Variants in SKOR2 observed in about 807,000 individuals in gnomAD.
The protein encoded by SKOR2 is SKI family transcriptional corepressor 2.
Under a neutral mutation model 69.1 loss-of-function variants are expected in SKOR2, and 47 were observed. The ratio of observed to expected loss-of-function variants is 0.68; its 90% CI spans 0.54 to 0.87. SKOR2 has a LOEUF of 0.87. SKOR2 is among the 40% of genes least tolerant of loss of function. The pLI is 0.00. For synonymous variants in SKOR2, 717 were observed against 672.6 expected, an observed-to-expected ratio of 1.07 and a Z score of -1.02; for missense variants, 1,404 against 1,472.2, an observed-to-expected ratio of 0.95 and a Z score of 0.76.
At chr18:47,236,739 A>C (rs1430701065) in intron 4 of SKOR2, among the ~76,000 whole-genome samples, 1 of 152,206 alleles carries the variant, frequency 6.6e-6, no homozygotes, top group East Asian at 1.9e-4. Context: ...CAGAACTGAG[A>C]AAAACAGATA....
chr18:47,225,802 A>G (rs944276001), intron 6 of SKOR2, among the ~76,000 whole-genome samples: 1 of 152,046 alleles, frequency 6.6e-6, no homozygotes, highest in South Asian at 2.1e-4. Flanking sequence ...GAGAGGGGTG[A>G]GAGTGGTCTG....
rs1346199438 is a variant in SKOR2 at position 47,247,346 on chromosome 18, G to A, written c.1838C>T (p.Ala613Val). 2.0e-6 allele frequency: 3 copies of A among 1,471,510 alleles called. No individual in the cohort carries two copies. The highest frequency in any genetic ancestry group is 1.3e-5 in the South Asian group (1 of 78,098). The allele number at this position is 1,471,510 out of a possible 1,614,324, so 91.2% of individuals were successfully genotyped here. Residue 613 changes from alanine to valine, a missense_variant, in exon 2 of 9, where the codon GCG (alanine) becomes GTG (valine). Physicochemically the swap from Ala to Val is moderately conservative, Grantham distance 64 (BLOSUM62 0). Around this residue, in one of 3 missense-constraint regions of SKOR2, gnomAD observed 1,266 missense variants for 1,309.9 expected, o/e 0.97. Coordinates refer to ENST00000425639, the MANE Select transcript of SKOR2 (RefSeq NM_001278063.4). This position sits in a 1 kb window ranked among gnomAD's most constrained non-coding sequence, Gnocchi z 6.6. ...GGAATGGTGGTAGCTGCCACCGCCC[G>A]CTTTGCGCCCCTCCAGAAGGTGCGG... is the stretch of plus-strand genomic sequence containing the variant. ...HHPHLLEGRK[A>V]GGGSYHHSSA...
intron 6 of SKOR2, among the ~76,000 whole-genome samples, chr18:47,222,607 T>C (rs1228658646): frequency 6.6e-6 from 1 of 152,204 alleles, no homozygotes; most frequent in Non-Finnish European, 1.5e-5. Flanking sequence ...GGAAGATCAG[T>C]GTGGTTCCAG....
Position 47,247,412 on chromosome 18 carries a change from C to T in SKOR2, c.1772G>A (p.Gly591Glu), listed in dbSNP as rs1215133999. Residue 591 changes from glycine to glutamate, a missense_variant, in exon 2 of 9, where the codon GGG (glycine) becomes GAG (glutamate). By Grantham distance (98) the Gly-to-Glu change is moderately conservative (BLOSUM62 -2). This residue lies in a region of SKOR2 where 1,266 missense variants were observed against 1,309.9 expected (regional missense o/e 0.97). Coordinates refer to ENST00000425639, the MANE Select transcript of SKOR2 (RefSeq NM_001278063.4). The surrounding 1 kb of genome is among the most constrained non-coding windows in gnomAD (Gnocchi z 6.6). ...AAAGAGAAAA[G>E]SGPAGSRVPA... ...AACCCGGGAGCCCGCGGGGCCAGAC[C>T]CGGCGGCCGCGGCCCCTGCCCCGGC... 7.6e-7 allele frequency: 1 copy of T among 1,309,806 alleles called. No individual in the cohort carries two copies. Among genetic ancestry groups the T allele is most frequent in the African/African-American group, 1.5e-5 (1 of 64,556 alleles). 81.1% of individuals were successfully genotyped at this position (1,309,806 alleles called of 1,614,324 possible).
chr18:47,241,944 G>A (rs773523909), intron 4 of SKOR2, among the ~76,000 whole-genome samples: 31 of 152,156 alleles, frequency 2.0e-4, no homozygotes, highest in African/African-American at 7.2e-4. Flanking sequence ...GTATCACTAC[G>A]TGTTATTACC....
chr18:47,231,717 C>T (rs1600036087), intron 4 of SKOR2, among the ~76,000 whole-genome samples: 1 of 151,942 alleles, frequency 6.6e-6, no homozygotes, highest in South Asian at 2.1e-4. Flanking sequence ...GTGGTGCATG[C>T]CTGTAATCCT....
At chr18:47,234,877 A>G (rs1166321505) in intron 4 of SKOR2, among the ~76,000 whole-genome samples, 11 of 145,416 alleles carry the variant, frequency 7.6e-5, no homozygotes, top group Non-Finnish European at 1.1e-4. Flanking sequence ...AAAAAAAAAG[A>G]GAGGGGGTGG....
At chr18:47,236,605 C>G (rs2064224712) in intron 4 of SKOR2, among the ~76,000 whole-genome samples, 1 of 152,190 alleles carries the variant, frequency 6.6e-6, no homozygotes, top group Non-Finnish European at 1.5e-5. Context: ...CCCCAGGGAG[C>G]TCCCTTCCTA....
In SKOR2 at chr18:47,247,585, C is replaced by A; in HGVS notation, c.1599G>T (p.Pro533=). 3 of 1,258,146 alleles carry A rather than the reference C, an allele frequency of 2.4e-6. No individual in the cohort carries two copies. The highest frequency in any genetic ancestry group is 3.0e-6 in the Non-Finnish European group (3 of 1,004,012). The allele number at this position is 1,258,146 out of a possible 1,614,324, so 77.9% of individuals were successfully genotyped here. The change falls in exon 2 of 9, where the codon CCG becomes CCT. Residue 533 remains proline, a synonymous_variant. Coordinates refer to ENST00000425639, the MANE Select transcript of SKOR2 (RefSeq NM_001278063.4). This position sits in a 1 kb window ranked among gnomAD's most constrained non-coding sequence, Gnocchi z 6.6. ...AEAAPPPGQP[P]QVVANGPGSG... ...AGCCCGGGCCGTTGGCCACTACCTG[C>A]GGGGGCTGCCCCGGCGGGGGCGCGG...
At chr18:47,210,819 T>C (rs1308528676) in intron 8 of SKOR2, among the ~76,000 whole-genome samples, 1 of 152,048 alleles carries the variant, frequency 6.6e-6, no homozygotes, top group Admixed American at 6.6e-5. Context: ...CCAAGAACAA[T>C]AAGTCCATGC....
chr18:47,246,475 G>A, intron 2 of SKOR2, 96 bp downstream of exon 2: 1 of 1,336,566 alleles, frequency 7.5e-7, no homozygotes, highest in Non-Finnish European at 9.7e-7. Flanking sequence ...GGGAAATCTG[G>A]TGATTCATCT....
chr18:47,215,826 C>T (rs554965509), intron 7 of SKOR2, among the ~76,000 whole-genome samples: 1 of 152,234 alleles, frequency 6.6e-6, no homozygotes, highest in East Asian at 1.9e-4. Flanking sequence ...TGGGTCTAGC[C>T]ATTTATCATG....
chr18:47,247,396 G>C lies in SKOR2; in HGVS notation c.1788C>G (p.Gly596=). 7.3e-7 allele frequency: 1 copy of C among 1,374,396 alleles called. No individual in the cohort carries two copies. Among genetic ancestry groups the C allele is most frequent in the South Asian group, 1.6e-5 (1 of 61,008 alleles). The allele number at this position is 1,374,396 out of a possible 1,614,324, so 85.1% of individuals were successfully genotyped here. ...GATGGTGGGGCGCCGGAACCCGGGA[G>C]CCCGCGGGGCCAGACCCGGCGGCCG... is the stretch of plus-strand genomic sequence containing the variant. The part of the protein sequence containing the change: ...GAAAAGSGPA[G]SRVPAPHHPH... Residue 596 remains glycine (G), a synonymous_variant, in exon 2 of 9, where the codon GGC becomes GGG. Coordinates refer to ENST00000425639, the MANE Select transcript of SKOR2 (RefSeq NM_001278063.4). The surrounding 1 kb of genome is among the most constrained non-coding windows in gnomAD (Gnocchi z 6.6).
intron 6 of SKOR2, among the ~76,000 whole-genome samples, chr18:47,221,594 C>A (rs1007737931): frequency 6.6e-6 from 1 of 152,214 alleles, no homozygotes; most frequent in Admixed American, 6.5e-5. Flanking sequence ...ACTGCCTTTT[C>A]TTTAAAGTCC....
chr18:47,231,772 G>A (rs1323055915), intron 4 of SKOR2, among the ~76,000 whole-genome samples: 2 of 151,640 alleles, frequency 1.3e-5, no homozygotes, highest in Admixed American at 6.6e-5. Flanking sequence ...GAACCCGGGA[G>A]GCGGAGGTTG....
intron 6 of SKOR2, among the ~76,000 whole-genome samples, chr18:47,223,031 G>T (rs1479049933): frequency 3.3e-5 from 5 of 152,104 alleles, no homozygotes; most frequent in Non-Finnish European, 7.4e-5. Flanking sequence ...GATTTGATCA[G>T]ACAGAAATTT....
Position 47,247,203 on chromosome 18 carries a change from G to T in SKOR2, c.1981C>A (p.His661Asn). The T allele has an allele frequency of 7.2e-7, 1 of 1,397,762 alleles. No homozygotes were observed. Among genetic ancestry groups the T allele is most frequent in the Non-Finnish European group, 9.3e-7 (1 of 1,077,106 alleles). 86.6% of individuals were successfully genotyped at this position (1,397,762 alleles called of 1,614,324 possible). A position where few individuals can be genotyped will look rare whatever the true frequency, so the allele number is the denominator to read the frequency against. Residue 661 changes from histidine to asparagine, a missense_variant, in exon 2 of 9, where the codon CAC (histidine) becomes AAC (asparagine). Physicochemically the swap from His to Asn is moderately conservative, Grantham distance 68 (BLOSUM62 1). This residue lies in a region of SKOR2 where 1,266 missense variants were observed against 1,309.9 expected (regional missense o/e 0.97). Coordinates refer to ENST00000425639, the MANE Select transcript of SKOR2 (RefSeq NM_001278063.4). The surrounding 1 kb of genome is among the most constrained non-coding windows in gnomAD (Gnocchi z 6.6). Reference sequence around the variant, plus strand: ...GGGTGGTGGTGGTGGTGGTGGTGGTGAGGGTGGTGATGGTGGTGGGGATGC... The same window carrying T: ...GGGTGGTGGTGGTGGTGGTGGTGGTTAGGGTGGTGATGGTGGTGGGGATGC... ...QTHPHHHHHP[H>N]HHHHHHHPPQ...
intron 8 of SKOR2, among the ~76,000 whole-genome samples, chr18:47,209,126 G>A (rs1331499267): frequency 6.6e-6 from 1 of 151,798 alleles, no homozygotes; most frequent in Non-Finnish European, 1.5e-5. Flanking sequence ...ACGCAACGTG[G>A]AATTTCTTAT....
intron 4 of SKOR2, 41 bp downstream of exon 4, chr18:47,244,867 G>A: frequency 6.7e-7 from 1 of 1,502,110 alleles, no homozygotes; most frequent in Non-Finnish European, 8.9e-7. Flanking sequence ...CCCTCTCCCT[G>A]TCATCTGACT....
Sources: allele counts gnomAD v4.1 joint callset (sites outside exome capture counted in the v4.1 genomes callset), GRCh38; gene constraint gnomAD v4.1.1; regional missense constraint gnomAD v4.1.1; non-coding constraint Gnocchi (gnomAD v3.1); transcripts MANE v1.5; gene names NCBI Gene and HGNC (gene_info 2026-07-23, HGNC 2026-07-21).